The following NUP160 variants were observed in gnomAD, a reference collection of about 807,000 sequenced individuals.
NUP160 encodes the protein nucleoporin 160, also known as nuclear pore complex protein Nup160.
A neutral mutation model predicts 196.9 loss-of-function variants in NUP160; 94 were observed. The ratio of observed to expected loss-of-function variants is 0.48; its 90% CI spans 0.40 to 0.57. NUP160 has a LOEUF of 0.57. Among genes scored for constraint, NUP160 ranks in the 20% least tolerant of loss-of-function variants. The pLI, the probability that NUP160 is intolerant of heterozygous loss-of-function variation, is 0.00. For synonymous variants in NUP160, 605 were observed against 619.7 expected (o/e 0.98, Z 0.35); for missense variants, 1,638 against 1,748.3 (o/e 0.94, Z 1.13).
chr11:47,793,745 T>G (rs1041628971), intron 27 of NUP160, among the ~76,000 whole-genome samples: 4 of 140,864 alleles, frequency 2.8e-5, no homozygotes, highest in African/African-American at 5.5e-5. Flanking sequence ...TTTTTTTTTT[T>G]TTTTTTTTTT....
Position 47,803,556 on chromosome 11 carries a change from CTTT to C in NUP160, c.2677-23_2677-21del, listed in dbSNP as rs776029810. ...ATAATCCTTAAAGGCATAAAAGGTGCTTTCTGATTAGAAAATAAATGTTACTTA... is the reference window on the plus strand; with the variant it reads ...ATAATCCTTAAAGGCATAAAAGGTGCCTGATTAGAAAATAAATGTTACTTA... On this transcript the variant is annotated intron_variant, in intron 21 of 35. Coordinates refer to ENST00000378460, the Ensembl canonical transcript of NUP160. The C allele has an allele frequency of 1.5e-6, 2 of 1,348,120 alleles. No individual in the cohort carries two copies. Among genetic ancestry groups the C allele is most frequent in the Non-Finnish European group, 2.1e-6 (2 of 938,722 alleles). 83.5% of individuals were successfully genotyped at this position (1,348,120 alleles called of 1,614,324 possible).
At chr11:47,795,877 C>T (rs982931602) in intron 27 of NUP160, among the ~76,000 whole-genome samples, 12 of 152,002 alleles carry the variant, frequency 7.9e-5, no homozygotes, top group African/African-American at 2.9e-4. Context: ...ATTGGCCAGG[C>T]GCAGTGGCTC....
intron 29 of NUP160, 31 bp downstream of exon 29, chr11:47,791,899 G>C: frequency 6.8e-7 from 1 of 1,464,722 alleles, no homozygotes; most frequent in Non-Finnish European, 9.5e-7. Flanking sequence ...CTACTGTCTA[G>C]CAAAGAACCA....
At chr11:47,779,604 T>A in intron 35 of NUP160, 1 of 517,822 alleles carries the variant, frequency 1.9e-6, no homozygotes, top group South Asian at 1.4e-5. Flanking sequence ...ATCACTATAA[T>A]GACTCAAGGA....
At chr11:47,841,381 T>C (rs1852294363) in intron 2 of NUP160, 2 of 447,646 alleles carry the variant, frequency 4.5e-6, no homozygotes, top group African/African-American at 2.1e-5. Flanking sequence ...TTATGCAAAC[T>C]GTGATACAAT....
At chr11:47,824,009 A>G (rs1021502376) in intron 7 of NUP160, among the ~76,000 whole-genome samples, 3 of 11,012 alleles carry the variant, frequency 2.7e-4, no homozygotes, top group Admixed American at 8.8e-4. Flanking sequence ...ATTCTTTTGC[A>G]TATATATATA....
intron 10 of NUP160, among the ~76,000 whole-genome samples, chr11:47,818,546 A>AAAC (rs904113553): frequency 8.6e-5 from 11 of 128,518 alleles, no homozygotes; most frequent in Admixed American, 3.0e-4. Context: ...TATGCAAACA[A>AAAC]AACAAAACAA....
intron 13 of NUP160, among the ~76,000 whole-genome samples, 175 bp from the exon 14 acceptor site, chr11:47,813,590 G>C (rs1233056535): frequency 6.6e-6 from 1 of 152,150 alleles, no homozygotes; most frequent in African/African-American, 2.4e-5. Flanking sequence ...AGCAGTTTGG[G>C]AGGCTGAGGT....
At chr11:47,798,461 A>C in exon 24 of NUP160, 1 of 1,545,914 alleles carries the variant, frequency 6.5e-7, no homozygotes, top group Non-Finnish European at 8.9e-7. Flanking sequence ...GTAGTCGTAA[A>C]ACCTAACGAG....
At chr11:47,783,176 A>G in exon 34 of NUP160, 1 of 1,613,634 alleles carries the variant, frequency 6.2e-7, no homozygotes, top group Non-Finnish European at 8.5e-7. Flanking sequence ...GTATAAACGA[A>G]GCAATTCAGC....
At chr11:47,813,512 T>C in intron 13 of NUP160, 97 bp from the exon 14 acceptor site, 1 of 719,156 alleles carries the variant, frequency 1.4e-6, no homozygotes, top group Non-Finnish European at 2.5e-6. Flanking sequence ...AAACCCAAGT[T>C]GCAATACACT....
exon 32 of NUP160, chr11:47,786,489 T>C (rs2097664598): frequency 2.5e-6 from 4 of 1,614,034 alleles, no homozygotes; most frequent in East Asian, 2.2e-5. Context: ...TGAGAGCTGA[T>C]TGGCTGCTAG....
chr11:47,794,370 G>C (rs1565190087), intron 27 of NUP160, among the ~76,000 whole-genome samples: 1 of 152,186 alleles, frequency 6.6e-6, no homozygotes, highest in Admixed American at 6.5e-5. Flanking sequence ...GCAGCCTCAG[G>C]AGGCTGAGGC....
Position 47,798,469 on chromosome 11 carries a change from G to A in NUP160, c.2896-6C>T, listed in dbSNP as rs771802929. ...ACATCTAGTAGTCGTAAAACCTAACGAGAAATAGAAGAAATTTCCATTAAA... is the reference window on the plus strand; with the variant it reads ...ACATCTAGTAGTCGTAAAACCTAACAAGAAATAGAAGAAATTTCCATTAAA... On this transcript the variant is annotated splice_polypyrimidine_tract_variant and splice_region_variant and intron_variant, in intron 23 of 35. Transcript: ENST00000378460. The A allele has an allele frequency of 1.1e-5, 16 of 1,478,892 alleles. No individual in the cohort carries two copies. The African/African-American group carries it at 1.1e-4, about 10-fold the overall frequency. The allele number at this position is 1,478,892 out of a possible 1,614,324, so 91.6% of individuals were successfully genotyped here.
exon 17 of NUP160, chr11:47,812,106 A>C: frequency 6.2e-7 from 1 of 1,614,126 alleles, no homozygotes; most frequent in Non-Finnish European, 8.5e-7. Flanking sequence ...AGATCAAAAG[A>C]TCTCTGCAGA....
chr11:47,838,937 G>A (rs1357317902), intron 4 of NUP160, among the ~76,000 whole-genome samples: 2 of 151,606 alleles, frequency 1.3e-5, no homozygotes, highest in Non-Finnish European at 2.9e-5. Flanking sequence ...CCAGGAGGTG[G>A]AGATTGCAGT....
intron 7 of NUP160, among the ~76,000 whole-genome samples, chr11:47,825,260 G>C (rs751510009): frequency 1.3e-5 from 2 of 151,844 alleles, no homozygotes; most frequent in Non-Finnish European, 2.9e-5. Context: ...GTGAGTTACA[G>C]TGCCTGGCTT....
At chr11:47,783,748 C>A (rs768586156) in intron 33 of NUP160, among the ~76,000 whole-genome samples, 1 of 151,950 alleles carries the variant, frequency 6.6e-6, no homozygotes, top group East Asian at 1.9e-4. Flanking sequence ...TTTTTTGAGA[C>A]AGAGTCTTGC....
chr11:47,810,317 C>T (rs905634135), intron 17 of NUP160, among the ~76,000 whole-genome samples: 65 of 152,128 alleles, frequency 4.3e-4, no homozygotes, highest in African/African-American at 1.5e-3. Context: ...CCCATCTCAG[C>T]CTCCCAAGTA....
Sources: gnomAD v4.1 joint callset for allele counts (sites outside exome capture counted in the v4.1 genomes callset) on GRCh38, gnomAD v4.1.1 for gene constraint, MANE v1.5 for transcripts, NCBI Gene and HGNC (gene_info 2026-07-23, HGNC 2026-07-21) for gene names.